COG5: variants seen among roughly 807,000 people sequenced by gnomAD.
The protein encoded by COG5 is component of oligomeric golgi complex 5.
Under a neutral mutation model 110.4 loss-of-function variants are expected in COG5, and 86 were observed. The ratio of observed to expected loss-of-function variants is 0.78; its 90% CI spans 0.65 to 0.93. The LOEUF is 0.93. Among genes scored for constraint, COG5 ranks in the 40% least tolerant of loss-of-function variants. The pLI is 0.00. For missense variants in COG5, 1,077 were observed against 987.0 expected, an observed-to-expected ratio of 1.09 and a Z score of -1.22; for synonymous variants, 360 against 334.6, an observed-to-expected ratio of 1.08 and a Z score of -0.83.
In COG5 at chr7:107,248,442, C is replaced by T; in HGVS notation, c.1807G>A (p.Ala603Thr). 3 of 1,611,670 alleles carry T rather than the reference C, an allele frequency of 1.9e-6. No homozygotes were observed. Among genetic ancestry groups the T allele is most frequent in the Non-Finnish European group, 2.5e-6 (3 of 1,179,234 alleles). Residue 603 changes from alanine to threonine, a missense_variant, in exon 17 of 22, where the codon GCT becomes ACT. Physicochemically the swap from Ala to Thr is moderately conservative, Grantham distance 58. Coordinates refer to ENST00000297135, the MANE Select transcript of COG5 (RefSeq NM_006348.5). ...ATGGTGATGATTATGGCCTCTATAG[C>T]ATCTCCCACAGAAGTGAGTAAGGGT... is the stretch of plus-strand genomic sequence containing the variant. ...VQPLLTSVGD[A>T]IEAIIITMHQ...
At chr7:107,283,059 G>A (rs1428755406) in intron 13 of COG5, among the ~76,000 whole-genome samples, 2 of 152,102 alleles carry the variant, frequency 1.3e-5, no homozygotes, top group Admixed American at 6.5e-5. Context: ...TTGTCTGCAG[G>A]CATTCAGGTG....
chr7:107,442,197 A>C (rs1018082780), intron 6 of COG5, among the ~76,000 whole-genome samples: 1 of 152,146 alleles, frequency 6.6e-6, no homozygotes, highest in Non-Finnish European at 1.5e-5. Flanking sequence ...GCTGTTTAAA[A>C]GTGTGCAGCA....
At chr7:107,296,852 A>G (rs1399712919) in intron 12 of COG5, among the ~76,000 whole-genome samples, 1 of 152,098 alleles carries the variant, frequency 6.6e-6, no homozygotes, top group African/African-American at 2.4e-5. Context: ...TCTATCCAAC[A>G]TTTTTCTTAC....
chr7:107,307,430 T>C lies in COG5; in HGVS notation c.1109-9084A>G, dbSNP rs141394575. On this transcript the variant is annotated intron_variant, in intron 11 of 21. Transcript: ENST00000297135. ...GTTTTTATAGGTTTCAAACATATAA[T>C]GTAGAGAGAATAGTATAATGAACCT... Among the ~76,000 whole-genome samples, 15 of 152,310 alleles carry C rather than the reference T, an allele frequency of 9.8e-5. No individual in the cohort carries two copies. In the East Asian group the frequency reaches 2.1e-3, roughly 22 times the overall value.
intron 14 of COG5, among the ~76,000 whole-genome samples, chr7:107,280,096 T>G (rs1353176540): frequency 6.6e-6 from 1 of 152,110 alleles, no homozygotes; most frequent in Non-Finnish European, 1.5e-5. Context: ...GAATTTTATT[T>G]ATAGCAATAA....
chr7:107,411,691 C>A (rs2129066622), intron 7 of COG5, among the ~76,000 whole-genome samples: 1 of 152,134 alleles, frequency 6.6e-6, no homozygotes, highest in Admixed American at 6.5e-5. Flanking sequence ...AAAATTACAA[C>A]TATTTAGGAA....
At chr7:107,312,525 T>C (rs141355283) in intron 11 of COG5, among the ~76,000 whole-genome samples, 31 of 152,316 alleles carry the variant, frequency 2.0e-4, no homozygotes, top group African/African-American at 7.2e-4. Context: ...GAACACTTCA[T>C]TTCTACTCTG....
chr7:107,449,959 G>C (rs141820608), intron 6 of COG5: 80 of 152,286 alleles, frequency 5.3e-4, no homozygotes, highest in African/African-American at 1.9e-3. Context: ...GCAAAAAGAA[G>C]GTAAAGGATC....
At chr7:107,501,383 T>C (rs1798619994) in intron 6 of COG5, among the ~76,000 whole-genome samples, 1 of 152,106 alleles carries the variant, frequency 6.6e-6, no homozygotes, top group African/African-American at 2.4e-5. Flanking sequence ...TCTCAAACTT[T>C]ATAAGTCTTC....
intron 6 of COG5, among the ~76,000 whole-genome samples, chr7:107,510,916 G>C (rs1799451208): frequency 6.6e-6 from 1 of 152,126 alleles, no homozygotes; most frequent in South Asian, 2.1e-4. Context: ...GAAATTTATA[G>C]CACTAAATGC....
intron 12 of COG5, among the ~76,000 whole-genome samples, chr7:107,286,530 G>C (rs755519819): frequency 2.2e-4 from 33 of 152,110 alleles, no homozygotes; most frequent in Admixed American, 1.6e-3. Context: ...AAGTACTTCA[G>C]AGAAAAAATG....
intron 6 of COG5, among the ~76,000 whole-genome samples, chr7:107,520,312 A>G (rs956183139): frequency 1.2e-4 from 18 of 152,206 alleles, no homozygotes; most frequent in Non-Finnish European, 4.4e-5. Flanking sequence ...CAGGCAACAG[A>G]AAGAAATAAA....
chr7:107,537,753 G>GA (rs143745348), intron 5 of COG5, among the ~76,000 whole-genome samples: 14 of 141,938 alleles, frequency 9.9e-5, no homozygotes, highest in Admixed American at 1.4e-4. Context: ...AAAAAAGAAA[G>GA]AAAAAAAAAA....
At chr7:107,294,024 A>G (rs1465732342) in intron 12 of COG5, among the ~76,000 whole-genome samples, 1 of 152,180 alleles carries the variant, frequency 6.6e-6, no homozygotes, top group African/African-American at 2.4e-5. Context: ...GTGAGCAGAT[A>G]TCACACCACT....
In COG5 at chr7:107,297,527, C is replaced by G. The variant is rs1456387297; in HGVS notation, c.1313+615G>C. Among the ~76,000 whole-genome samples the G allele has an allele frequency of 2.8e-5, 4 of 141,818 alleles. No individual in the cohort carries two copies. The East Asian group carries it at 8.7e-4, about 31-fold the overall frequency. The allele number at this position is 141,818 out of a possible 152,430, so 93.0% of individuals were successfully genotyped here. A position where few individuals can be genotyped will look rare whatever the true frequency, so the allele number is the denominator to read the frequency against. ...GCAGTGACGTGATCTCAGCTCACTG[C>G]TGCCTCCGTCTCCCGGGTTCAAGCG... On this transcript the variant is annotated intron_variant, in intron 12 of 21. Coordinates refer to ENST00000297135, the MANE Select transcript of COG5 (RefSeq NM_006348.5).
At chr7:107,362,699 G>T (rs1227078963) in intron 8 of COG5, among the ~76,000 whole-genome samples, 1 of 151,828 alleles carries the variant, frequency 6.6e-6, no homozygotes, top group African/African-American at 2.4e-5. Context: ...GGATGGAGGT[G>T]AGTCTTCCTC....
At chr7:107,394,352 G>A (rs567357658) in intron 7 of COG5, among the ~76,000 whole-genome samples, 13 of 150,512 alleles carry the variant, frequency 8.6e-5, no homozygotes, top group African/African-American at 1.7e-4. Flanking sequence ...TGGCACAATC[G>A]TTTTCTTTAC....
intron 18 of COG5, among the ~76,000 whole-genome samples, chr7:107,233,384 G>C (rs533173222): frequency 6.6e-6 from 1 of 152,180 alleles, no homozygotes; most frequent in Non-Finnish European, 1.5e-5. Flanking sequence ...AAACCACCTC[G>C]TGCCCATGAC....
chr7:107,471,512 G>A (rs951753252), intron 6 of COG5: 1 of 151,810 alleles, frequency 6.6e-6, no homozygotes, highest in Non-Finnish European at 1.5e-5. Context: ...TAAAACCAGG[G>A]AATAGGTCTA....
Sources: allele counts gnomAD v4.1 joint callset (sites outside exome capture counted in the v4.1 genomes callset), GRCh38; gene constraint gnomAD v4.1.1; transcripts MANE v1.5; gene names NCBI Gene and HGNC (gene_info 2026-07-23, HGNC 2026-07-21).